PCDH9: variants seen among roughly 807,000 people sequenced by gnomAD.
The protein encoded by PCDH9 is protocadherin 9, also known as protocadherin-9.
PCDH9 carries 24 observed loss-of-function variants against 70.6 expected under a neutral mutation model. The ratio of observed to expected loss-of-function variants is 0.34; its 90% CI spans 0.25 to 0.48. PCDH9 has a LOEUF of 0.48. Among genes scored for constraint, PCDH9 ranks in the 20% least tolerant of loss-of-function variants. The pLI is 0.99. For missense variants in PCDH9, 1,281 were observed against 1,503.6 expected (o/e 0.85, Z 2.45); for synonymous variants, 562 against 558.5 (o/e 1.01, Z -0.09).
chr13:66,578,635 T>C (rs1282710927), intron 4 of PCDH9, among the ~76,000 whole-genome samples: 2 of 152,070 alleles, frequency 1.3e-5, no homozygotes, highest in African/African-American at 2.4e-5. Context: ...TGTACAGCAC[T>C]AGAAGCTATA....
intron 2 of PCDH9, among the ~76,000 whole-genome samples, chr13:67,192,266 C>T (rs1472173124): frequency 6.6e-6 from 1 of 152,030 alleles, no homozygotes; most frequent in African/African-American, 2.4e-5. Flanking sequence ...TCCAAACCTA[C>T]TATATTTTTG....
At chr13:67,005,401 A>G (rs1174016249) in intron 2 of PCDH9, among the ~76,000 whole-genome samples, 1 of 152,224 alleles carries the variant, frequency 6.6e-6, no homozygotes. Context: ...TAAAAATAGA[A>G]CTAAGTAGGA....
chr13:66,660,891 T>C (rs929983006), intron 3 of PCDH9, among the ~76,000 whole-genome samples: 4 of 152,148 alleles, frequency 2.6e-5, no homozygotes, highest in African/African-American at 9.7e-5. Context: ...TTTTATATTT[T>C]AGTGATGTTT....
At chr13:67,025,325 G>A (rs2084758844) in intron 2 of PCDH9, among the ~76,000 whole-genome samples, 1 of 152,056 alleles carries the variant, frequency 6.6e-6, no homozygotes, top group African/African-American at 2.4e-5. Context: ...CAACCAACAA[G>A]TCATTTCAAA....
chr13:66,867,668 C>A lies in PCDH9; in HGVS notation c.3138+35836G>T, dbSNP rs187741293. On this transcript the variant is annotated intron_variant, in intron 3 of 4. Coordinates refer to ENST00000377865, the MANE Select transcript of PCDH9 (RefSeq NM_203487.3). ...TATCAAGGGATGTATATTAACCTAT[C>A]ATCTTTCTTTGACAACTTGGGTTTT... Among the ~76,000 whole-genome samples, 537 of 152,158 alleles carry A rather than the reference C, an allele frequency of 3.5e-3. 3 individuals are homozygous for A. The highest frequency in any genetic ancestry group is 0.012 in the African/African-American group (514 of 41,570).
chr13:66,812,959 G>A (rs2139364891), intron 3 of PCDH9, among the ~76,000 whole-genome samples: 1 of 152,116 alleles, frequency 6.6e-6, no homozygotes, highest in East Asian at 1.9e-4. Flanking sequence ...TCATTCTGTA[G>A]TATCCAAAAT....
chr13:66,313,701 G>T (rs1210911544), intron 4 of PCDH9, among the ~76,000 whole-genome samples: 2 of 152,128 alleles, frequency 1.3e-5, no homozygotes, highest in Non-Finnish European at 2.9e-5. Flanking sequence ...TTTCATGCCT[G>T]TGGTCTCTGA....
intron 2 of PCDH9, chr13:67,203,699 G>A (rs548427624): frequency 4.6e-5 from 7 of 152,128 alleles, no homozygotes; most frequent in Admixed American, 4.6e-4. Context: ...GAATAGATAT[G>A]AGAAAATCAC....
intron 2 of PCDH9, among the ~76,000 whole-genome samples, chr13:66,919,378 C>G (rs2082604937): frequency 6.6e-6 from 1 of 151,288 alleles, no homozygotes; most frequent in African/African-American, 2.4e-5. Flanking sequence ...GCATCTGAAG[C>G]AAATATAACT....
intron 4 of PCDH9, among the ~76,000 whole-genome samples, chr13:66,334,948 C>T (rs1323600211): frequency 6.6e-6 from 1 of 151,738 alleles, no homozygotes; most frequent in East Asian, 1.9e-4. Context: ...AGTTTTACTC[C>T]CCCAAAATAG....
chr13:67,060,624 A>C (rs1348385671), intron 2 of PCDH9, among the ~76,000 whole-genome samples: 1 of 152,038 alleles, frequency 6.6e-6, no homozygotes, highest in East Asian at 1.9e-4. Flanking sequence ...ATCACCATAT[A>C]ATAGAAATAC....
At chr13:66,328,063 A>T (rs1241655592) in intron 4 of PCDH9, among the ~76,000 whole-genome samples, 4 of 152,224 alleles carry the variant, frequency 2.6e-5, no homozygotes, top group South Asian at 2.1e-4. Flanking sequence ...GATCCTATTA[A>T]GTATCCAAAA....
chr13:66,905,759 G>A (rs530543005), intron 2 of PCDH9, among the ~76,000 whole-genome samples: 1 of 152,118 alleles, frequency 6.6e-6, no homozygotes, highest in South Asian at 2.1e-4. Flanking sequence ...AAGAACTTAT[G>A]TATTATCTAC....
At chr13:67,000,487 T>G (rs2084220406) in intron 2 of PCDH9, among the ~76,000 whole-genome samples, 1 of 83,068 alleles carries the variant, frequency 1.2e-5, no homozygotes, top group Non-Finnish European at 3.0e-5. Context: ...ATAATAATAA[T>G]AAAATAAAAT....
intron 3 of PCDH9, among the ~76,000 whole-genome samples, chr13:66,737,901 C>A (rs956456869): frequency 3.6e-5 from 1 of 27,526 alleles, no homozygotes; most frequent in Non-Finnish European, 1.8e-4. Context: ...AACTGCAAGG[C>A]GGCAGCGAGG....
intron 2 of PCDH9, among the ~76,000 whole-genome samples, chr13:66,922,340 A>G (rs955666932): frequency 1.3e-5 from 2 of 151,424 alleles, no homozygotes; most frequent in Non-Finnish European, 3.0e-5. Context: ...TTCTTCTTCA[A>G]TACCAGGAGA....
At chr13:66,502,643 T>G (rs372339768) in intron 4 of PCDH9, among the ~76,000 whole-genome samples, 1 of 5,750 alleles carries the variant, frequency 1.7e-4, no homozygotes, top group Non-Finnish European at 2.6e-3. Context: ...GATAGTGAAA[T>G]AGCAGTTAAT....
chr13:66,969,655 C>T (rs2083485606), intron 2 of PCDH9, among the ~76,000 whole-genome samples: 1 of 152,086 alleles, frequency 6.6e-6, no homozygotes, highest in Admixed American at 6.6e-5. Flanking sequence ...TCACTTTATA[C>T]TATTTGTTAC....
chr13:66,583,271 A>G (rs1313510932), intron 4 of PCDH9, among the ~76,000 whole-genome samples: 2 of 151,990 alleles, frequency 1.3e-5, no homozygotes, highest in African/African-American at 2.4e-5. Context: ...ATTTTAACTT[A>G]CTCGATTATA....
Sources: gnomAD v4.1 joint callset for allele counts (sites outside exome capture counted in the v4.1 genomes callset) on GRCh38, gnomAD v4.1.1 for gene constraint, MANE v1.5 for transcripts, NCBI Gene and HGNC (gene_info 2026-07-23, HGNC 2026-07-21) for gene names.